CALN1: variants seen among roughly 807,000 people sequenced by gnomAD.
The protein encoded by CALN1 is calneuron 1.
In CALN1, 17 loss-of-function variants were observed where a neutral mutation model predicts 30.6. The observed-to-expected ratio is 0.56, with a 90% confidence interval of 0.38 to 0.83. CALN1 has a LOEUF of 0.83. Ranked by LOEUF, CALN1 falls within the 40% of genes least tolerant of loss-of-function variation. CALN1 has a pLI of 0.00. For missense variants in CALN1, 291 were observed against 354.9 expected (o/e 0.82, Z 1.45); for synonymous variants, 156 against 131.4 (o/e 1.19, Z -1.28).
intron 2 of CALN1, among the ~76,000 whole-genome samples, chr7:72,367,749 C>T (rs6460718): frequency 1.3e-5 from 2 of 152,004 alleles, no homozygotes; most frequent in African/African-American, 2.4e-5. Flanking sequence ...GCAAGGGGAT[C>T]GCTTGAGCCC....
chr7:72,368,000 G>A (rs1278519892), intron 2 of CALN1, among the ~76,000 whole-genome samples: 2 of 151,868 alleles, frequency 1.3e-5, no homozygotes, highest in African/African-American at 2.4e-5. Flanking sequence ...GGGCATGGTG[G>A]CAGGCAGCTA....
At chr7:71,949,825 G>A (rs752718350) in intron 5 of CALN1, among the ~76,000 whole-genome samples, 56 of 151,448 alleles carry the variant, frequency 3.7e-4, no homozygotes, top group Admixed American at 1.2e-3. Flanking sequence ...GCAGTGGCAC[G>A]ATCTTGGCTC....
chr7:72,313,271 A>G (rs1800187411), intron 2 of CALN1, among the ~76,000 whole-genome samples: 1 of 152,214 alleles, frequency 6.6e-6, no homozygotes, highest in Non-Finnish European at 1.5e-5. Flanking sequence ...GACATTTCTA[A>G]ATCAGTGAAT....
rs539830425 is a variant in CALN1 at position 71,993,940 on chromosome 7, A to C, written c.501+29717T>G. 2.0e-5 allele frequency among the ~76,000 whole-genome samples: 3 copies of C among 152,290 alleles called. No homozygotes were observed. The South Asian group carries it at 6.2e-4, about 32-fold the overall frequency. Reference sequence around the variant, plus strand: ...TGATATGAAGCATTTTTACTACAAAAAATGTTGAATTATACGACTGAAATT... The same window carrying C: ...TGATATGAAGCATTTTTACTACAAACAATGTTGAATTATACGACTGAAATT... On this transcript the variant is annotated intron_variant, in intron 5 of 6. Coordinates refer to ENST00000395275, the MANE Select transcript of CALN1 (RefSeq NM_031468.4).
At chr7:72,286,993 G>T (rs1049606631) in intron 2 of CALN1, among the ~76,000 whole-genome samples, 1 of 152,142 alleles carries the variant, frequency 6.6e-6, no homozygotes, top group Middle Eastern at 3.4e-3. Context: ...GTTTGGAAAA[G>T]GTGCATGCAT....
intron 3 of CALN1, among the ~76,000 whole-genome samples, chr7:72,149,267 A>G (rs1787027519): frequency 6.6e-6 from 1 of 152,098 alleles, no homozygotes; most frequent in South Asian, 2.1e-4. Context: ...CAGGAATACC[A>G]AACCAGCCTG....
intron 4 of CALN1, among the ~76,000 whole-genome samples, chr7:72,054,812 A>T (rs1367798717): frequency 6.6e-6 from 1 of 152,100 alleles, no homozygotes; most frequent in Non-Finnish European, 1.5e-5. Flanking sequence ...TAGGCTTAGT[A>T]CATGGGTGAC....
intron 5 of CALN1, among the ~76,000 whole-genome samples, chr7:71,871,873 G>A (rs1033528968): frequency 1.3e-5 from 2 of 151,788 alleles, no homozygotes; most frequent in Non-Finnish European, 2.9e-5. Flanking sequence ...TCCCAGATCT[G>A]CTTTTTACCA....
chr7:71,798,081 GAGAGAGAC>G, intron 6 of CALN1, among the ~76,000 whole-genome samples: 1 of 121,526 alleles, frequency 8.2e-6, no homozygotes, highest in African/African-American at 3.9e-5. Flanking sequence ...GAGAGAGACA[GAGAGAGAC>G]AGAGAGAGAG....
At chr7:72,237,491 G>C (rs563580482) in intron 3 of CALN1, among the ~76,000 whole-genome samples, 8 of 152,218 alleles carry the variant, frequency 5.3e-5, no homozygotes, top group Non-Finnish European at 8.8e-5. Context: ...GAGGACTAGA[G>C]AGAGCAGCAG....
chr7:72,405,883 T>A (rs1044493644), intron 1 of CALN1, among the ~76,000 whole-genome samples: 3 of 151,902 alleles, frequency 2.0e-5, no homozygotes, highest in Non-Finnish European at 2.9e-5. Context: ...TCTTGTCAGG[T>A]CCCCCCAGGC....
chr7:72,454,323 A>G, the CALN1 span, among the ~76,000 whole-genome samples: 1 of 152,304 alleles, frequency 6.6e-6, no homozygotes, highest in Admixed American at 6.5e-5. Context: ...GGAGACCATC[A>G]GGGGTGATGA....
intron 2 of CALN1, among the ~76,000 whole-genome samples, chr7:72,324,816 T>A (rs1031698288): frequency 4.6e-5 from 7 of 151,568 alleles, no homozygotes; most frequent in Non-Finnish European, 7.4e-5. Context: ...ACTCGTGACC[T>A]CAAGTGATCC....
intron 5 of CALN1, among the ~76,000 whole-genome samples, chr7:72,023,081 T>C (rs879715675): frequency 7.9e-5 from 12 of 152,148 alleles, no homozygotes; most frequent in African/African-American, 2.2e-4. Flanking sequence ...AATTTTATAA[T>C]CATAAAATAA....
chr7:72,352,738 A>C (rs1802999956), intron 2 of CALN1, among the ~76,000 whole-genome samples: 1 of 152,144 alleles, frequency 6.6e-6, no homozygotes, highest in South Asian at 2.1e-4. Flanking sequence ...TAAAAAGCTA[A>C]AAAGAGAAGA....
intron 5 of CALN1, among the ~76,000 whole-genome samples, chr7:71,812,559 T>A (rs1423496725): frequency 6.6e-6 from 1 of 152,146 alleles, no homozygotes; most frequent in Non-Finnish European, 1.5e-5. Flanking sequence ...ATTAGCTGCA[T>A]CTAACAGAGC....
intron 6 of CALN1, 85 bp downstream of exon 6, chr7:71,810,251 T>C: frequency 7.0e-7 from 1 of 1,433,618 alleles, no homozygotes; most frequent in Non-Finnish European, 9.5e-7. Context: ...CCCAAGAGCC[T>C]GTGTGTGAAC....
intron 4 of CALN1, among the ~76,000 whole-genome samples, chr7:72,064,440 G>C (rs1473281475): frequency 6.6e-6 from 1 of 152,076 alleles, no homozygotes; most frequent in Non-Finnish European, 1.5e-5. Flanking sequence ...ATCACTTTTG[G>C]CAGGTGCTCT....
At chr7:71,892,079 G>A (rs2116887622) in intron 5 of CALN1, among the ~76,000 whole-genome samples, 1 of 152,322 alleles carries the variant, frequency 6.6e-6, no homozygotes, top group East Asian at 1.9e-4. Flanking sequence ...CCAGCTTGGT[G>A]ACTGGCACAC....
Sources: allele counts gnomAD v4.1 joint callset (sites outside exome capture counted in the v4.1 genomes callset), GRCh38; gene constraint gnomAD v4.1.1; transcripts MANE v1.5; gene names NCBI Gene and HGNC (gene_info 2026-07-23, HGNC 2026-07-21).